The following CAMK1D variants were observed in gnomAD, a reference collection of about 807,000 sequenced individuals.
The protein encoded by CAMK1D is calcium/calmodulin dependent protein kinase ID, also known as calcium/calmodulin-dependent protein kinase type 1D.
In CAMK1D, 9 loss-of-function variants were observed where a neutral mutation model predicts 47.7. The ratio of observed to expected loss-of-function variants is 0.19; its 90% CI spans 0.11 to 0.33. CAMK1D has a LOEUF of 0.33. CAMK1D is among the 10% of genes least tolerant of loss of function. The pLI is 1.00. For synonymous variants in CAMK1D, 184 were observed against 184.9 expected (o/e 0.99, Z 0.04); for missense variants, 291 against 488.7 (o/e 0.60, Z 3.81).
chr10:12,574,375 C>G (rs924016240), intron 2 of CAMK1D, among the ~76,000 whole-genome samples: 1 of 151,162 alleles, frequency 6.6e-6, no homozygotes, highest in Non-Finnish European at 1.5e-5. Context: ...AATGTCAGCT[C>G]ACTGCAACCT....
chr10:12,506,202 T>C (rs918759458), intron 1 of CAMK1D, among the ~76,000 whole-genome samples: 2 of 152,084 alleles, frequency 1.3e-5, no homozygotes, highest in African/African-American at 4.8e-5. Context: ...GAGGATCACT[T>C]GAGGCCAGGA....
chr10:12,372,357 G>A (rs2724770), intron 1 of CAMK1D, among the ~76,000 whole-genome samples: 149,688 of 152,366 alleles, frequency 0.98, 73,583 homozygotes, highest in East Asian at 1. Context: ...CAGAGTGGTT[G>A]AGTAACTTGG....
At position 12,416,687 on chromosome 10, in the gene CAMK1D, T is replaced by C. The variant is rs375809556; in HGVS notation, c.92+66777T>C. Among the ~76,000 whole-genome samples, 234 of 152,328 alleles carry C rather than the reference T, an allele frequency of 1.5e-3. 1 individual carries two copies. The highest frequency in any genetic ancestry group is 5.1e-3 in the African/African-American group (210 of 41,580). On this transcript the variant is annotated intron_variant, in intron 1 of 10. Transcript: ENST00000619168. ...TGAGCACCGGAGGGAGGGCTCTGAC[T>C]AGCACTGGGCGGTGGAGAGAAGCAG...
intron 3 of CAMK1D, among the ~76,000 whole-genome samples, chr10:12,752,841 G>T (rs558212260): frequency 6.6e-6 from 1 of 152,316 alleles, no homozygotes; most frequent in Admixed American, 6.5e-5. Flanking sequence ...CTTATGAACT[G>T]TCTGTAACCA....
At chr10:12,563,259 G>A (rs539943161) in intron 2 of CAMK1D, among the ~76,000 whole-genome samples, 19 of 152,308 alleles carry the variant, frequency 1.2e-4, no homozygotes, top group African/African-American at 4.6e-4. Context: ...GGAGGCTGAG[G>A]TGGGAAGATC....
At chr10:12,772,899 T>C (rs1420642027) in intron 5 of CAMK1D, among the ~76,000 whole-genome samples, 2 of 152,068 alleles carry the variant, frequency 1.3e-5, no homozygotes, top group Non-Finnish European at 2.9e-5. Context: ...TTGAAGAGCT[T>C]GTATCTAGAG....
chr10:12,387,340 A>G (rs1048929413), intron 1 of CAMK1D, among the ~76,000 whole-genome samples: 26 of 138,882 alleles, frequency 1.9e-4, no homozygotes, highest in Non-Finnish European at 3.2e-4. Context: ...AGTTTGAGAT[A>G]TATATATTAT....
intron 4 of CAMK1D, among the ~76,000 whole-genome samples, chr10:12,767,507 G>A (rs1836821756): frequency 6.6e-6 from 1 of 152,078 alleles, no homozygotes; most frequent in Non-Finnish European, 1.5e-5. Flanking sequence ...AGTTTATTTT[G>A]CCAAGGTCAA....
At chr10:12,370,430 G>C (rs1837970322) in intron 1 of CAMK1D, among the ~76,000 whole-genome samples, 1 of 152,090 alleles carries the variant, frequency 6.6e-6, no homozygotes, top group Non-Finnish European at 1.5e-5. Context: ...GTCAACGGTA[G>C]AACAGCCTCA....
At chr10:12,628,684 T>G (rs1427307940) in intron 2 of CAMK1D, among the ~76,000 whole-genome samples, 1 of 152,200 alleles carries the variant, frequency 6.6e-6, no homozygotes, top group Non-Finnish European at 1.5e-5. Flanking sequence ...TGTTATACAT[T>G]CTGTGGGTTT....
chr10:12,680,771 T>C (rs2132606484), intron 3 of CAMK1D, among the ~76,000 whole-genome samples: 1 of 152,134 alleles, frequency 6.6e-6, no homozygotes, highest in Non-Finnish European at 1.5e-5. Context: ...GGATGATTAA[T>C]TTTACATCCT....
At chr10:12,820,289 TG>T (rs1171407318) in intron 8 of CAMK1D, among the ~76,000 whole-genome samples, 1 of 152,202 alleles carries the variant, frequency 6.6e-6, no homozygotes, top group Non-Finnish European at 1.5e-5. Flanking sequence ...CCCAAAGTGC[TG>T]GGATTACAGG....
intron 2 of CAMK1D, among the ~76,000 whole-genome samples, chr10:12,640,728 G>A (rs1294168461): frequency 6.6e-6 from 1 of 152,058 alleles, no homozygotes; most frequent in South Asian, 2.1e-4. Flanking sequence ...GCTGTCATCC[G>A]TGCCGTGCTG....
At chr10:12,650,987 T>G (rs1412738637) in intron 2 of CAMK1D, among the ~76,000 whole-genome samples, 9 of 152,216 alleles carry the variant, frequency 5.9e-5, no homozygotes, top group African/African-American at 2.2e-4. Flanking sequence ...CTCCCTGGAT[T>G]AAGCTTCACA....
chr10:12,726,240 A>G (rs1475982242), intron 3 of CAMK1D, among the ~76,000 whole-genome samples: 3 of 151,952 alleles, frequency 2.0e-5, no homozygotes, highest in South Asian at 2.1e-4. Context: ...CTTAACCAAC[A>G]TGGTGAAACC....
At chr10:12,806,220 G>T (rs1198156185) in intron 6 of CAMK1D, among the ~76,000 whole-genome samples, 1 of 152,178 alleles carries the variant, frequency 6.6e-6, no homozygotes, top group Non-Finnish European at 1.5e-5. Context: ...TGTTTATTTT[G>T]AAGGTTAGTG....
chr10:12,577,206 C>G (rs1837517208), intron 2 of CAMK1D, among the ~76,000 whole-genome samples: 1 of 152,194 alleles, frequency 6.6e-6, no homozygotes, highest in African/African-American at 2.4e-5. Flanking sequence ...CAGGGGAGGT[C>G]CCCGGACACA....
chr10:12,747,937 C>T (rs1160788280), intron 3 of CAMK1D, among the ~76,000 whole-genome samples: 1 of 152,204 alleles, frequency 6.6e-6, no homozygotes, highest in Non-Finnish European at 1.5e-5. Context: ...GTCAAATTTG[C>T]TATACTTTGT....
At chr10:12,370,250 A>G (rs1471795508) in intron 1 of CAMK1D, among the ~76,000 whole-genome samples, 1 of 152,162 alleles carries the variant, frequency 6.6e-6, no homozygotes, top group Admixed American at 6.5e-5. Context: ...TGCTGGGGTC[A>G]ACAGACCTGT....
Sources: gnomAD v4.1 joint callset for allele counts (sites outside exome capture counted in the v4.1 genomes callset) on GRCh38, gnomAD v4.1.1 for gene constraint, MANE v1.5 for transcripts, NCBI Gene and HGNC (gene_info 2026-07-23, HGNC 2026-07-21) for gene names.